Variants in TBCA observed in about 807,000 individuals in gnomAD.
TBCA encodes tubulin-specific chaperone A.
TBCA carries 6 observed loss-of-function variants against 15.8 expected under a neutral mutation model. That is an observed-to-expected ratio of 0.38 (90% CI 0.21 to 0.75). The LOEUF is 0.75. Among genes scored for constraint, TBCA ranks in the 30% least tolerant of loss-of-function variants. TBCA has a pLI of 0.46. For missense variants in TBCA, 90 were observed against 131.2 expected, an observed-to-expected ratio of 0.69 and a Z score of 1.53; for synonymous variants, 32 against 42.3, an observed-to-expected ratio of 0.76 and a Z score of 0.94.
chr5:77,774,498 G>C (rs1336184685), intron 1 of TBCA, among the ~76,000 whole-genome samples: 1 of 152,074 alleles, frequency 6.6e-6, no homozygotes, highest in East Asian at 1.9e-4. Context: ...TTTTAACCCA[G>C]ACACACTCCC....
At chr5:77,756,089 ATTTG>A (rs1287035706) in intron 1 of TBCA, among the ~76,000 whole-genome samples, 8 of 152,124 alleles carry the variant, frequency 5.3e-5, no homozygotes, top group African/African-American at 1.7e-4. Flanking sequence ...TTATTAGATG[ATTTG>A]TTTGTCACAT....
chr5:77,716,925 A>G (rs532589763), intron 1 of TBCA, among the ~76,000 whole-genome samples: 1 of 152,296 alleles, frequency 6.6e-6, no homozygotes, highest in East Asian at 1.9e-4. Context: ...GGCACGTGCA[A>G]ATGACCCAAC....
intron 1 of TBCA, among the ~76,000 whole-genome samples, chr5:77,770,146 C>T (rs1200879876): frequency 6.6e-6 from 1 of 152,060 alleles, no homozygotes; most frequent in Non-Finnish European, 1.5e-5. Context: ...AAAAAACAAA[C>T]TTTTTTATGA....
At chr5:77,739,090 A>ATATATG in intron 1 of TBCA, among the ~76,000 whole-genome samples, 1 of 152,356 alleles carries the variant, frequency 6.6e-6, no homozygotes, top group East Asian at 1.9e-4. Context: ...TTTCAGTTTT[A>ATATATG]TATATGTATA....
At chr5:77,761,467 T>C (rs1023173237) in intron 1 of TBCA, among the ~76,000 whole-genome samples, 2 of 152,020 alleles carry the variant, frequency 1.3e-5, no homozygotes, top group African/African-American at 4.8e-5. Context: ...CACCACTCCC[T>C]AATCTCAAGT....
chr5:77,722,673 C>T (rs1418074978), intron 1 of TBCA, among the ~76,000 whole-genome samples: 1 of 151,830 alleles, frequency 6.6e-6, no homozygotes, highest in Admixed American at 6.6e-5. Context: ...TTATTAAGAG[C>T]TAGTGAACCA....
intron 1 of TBCA, among the ~76,000 whole-genome samples, chr5:77,721,797 TA>T (rs1307425846): frequency 6.6e-6 from 1 of 152,006 alleles, no homozygotes; most frequent in Non-Finnish European, 1.5e-5. Context: ...GCCTGTAGTT[TA>T]AAAAAAGTCT....
intron 1 of TBCA, among the ~76,000 whole-genome samples, chr5:77,752,235 T>C (rs569760548): frequency 1.3e-4 from 20 of 152,232 alleles, no homozygotes; most frequent in African/African-American, 4.8e-4. Flanking sequence ...TTATACCATA[T>C]GGTTTAATAG....
rs35477479 is a variant in TBCA, at chr5:77,727,239, GAAAAAAAAA to G, written c.54-18901_54-18893del. Among the ~76,000 whole-genome samples, 781 of 81,020 alleles carry G rather than the reference GAAAAAAAAA, an allele frequency of 9.6e-3. 4 individuals are homozygous for G. Among genetic ancestry groups the G allele is most frequent in the African/African-American group, 0.035 (725 of 20,928 alleles). 53.2% of individuals were successfully genotyped at this position (81,020 alleles called of 152,430 possible). On this transcript the variant is annotated intron_variant, in intron 1 of 3. Coordinates refer to ENST00000380377, the MANE Select transcript of TBCA (RefSeq NM_004607.3). The stretch of plus-strand genomic sequence containing the variant: ...GAGACACAGTGAGACTCTGTCTCAG[GAAAAAAAAA>G]AAAAAAAAAAAAAGAATAGTGCTGG...
intron 1 of TBCA, among the ~76,000 whole-genome samples, chr5:77,723,180 G>A (rs1345376788): frequency 6.6e-6 from 1 of 151,410 alleles, no homozygotes; most frequent in Non-Finnish European, 1.5e-5. Flanking sequence ...TTTTCCTACT[G>A]GAAGTTTATT....
intron 1 of TBCA, among the ~76,000 whole-genome samples, chr5:77,775,794 A>G (rs1203926131): frequency 6.6e-6 from 1 of 152,180 alleles, no homozygotes; most frequent in East Asian, 1.9e-4. Flanking sequence ...CCTGCTTTCA[A>G]GCCCATTTGA....
At chr5:77,724,173 G>C (rs1746582124) in intron 1 of TBCA, among the ~76,000 whole-genome samples, 1 of 152,004 alleles carries the variant, frequency 6.6e-6, no homozygotes, top group African/African-American at 2.4e-5. Context: ...ATCATTACTA[G>C]AGTTAGTCAA....
intron 1 of TBCA, among the ~76,000 whole-genome samples, chr5:77,726,553 A>T (rs1305754668): frequency 1.3e-5 from 2 of 152,208 alleles, no homozygotes; most frequent in Non-Finnish European, 2.9e-5. Context: ...ATACTATTGG[A>T]TGTATTTATG....
chr5:77,692,790 T>C (rs1561260898), intron 3 of TBCA: 2 of 1,022,572 alleles, frequency 2.0e-6, no homozygotes, highest in East Asian at 9.4e-5. Context: ...AGCTCCAAGT[T>C]AGTATGAGGG....
chr5:77,762,577 C>T (rs1747667472), intron 1 of TBCA, among the ~76,000 whole-genome samples: 1 of 152,110 alleles, frequency 6.6e-6, no homozygotes, highest in Non-Finnish European at 1.5e-5. Flanking sequence ...CTATGCCAAA[C>T]TTAAGAATTC....
Position 77,735,201 on chromosome 5 carries a change from AAATACAAAGGATCAC to A in TBCA, c.54-26869_54-26855del, listed in dbSNP as rs1208599567. ...GATTTTGGTTATTAACATCCTGAAT[AAATACAAAGGATCAC>A]AACATAAAAAGAAAGTCTCTTAAAT... On this transcript the variant is annotated intron_variant, in intron 1 of 3. Transcript: ENST00000380377. 7.2e-5 allele frequency among the ~76,000 whole-genome samples: 11 copies of A among 152,382 alleles called. No individual in the cohort carries two copies. The East Asian group carries it at 1.2e-3, about 16-fold the overall frequency.
intron 3 of TBCA, chr5:77,692,016 G>C (rs975270159): frequency 2.2e-5 from 22 of 984,998 alleles, no homozygotes; most frequent in Non-Finnish European, 2.4e-5. Flanking sequence ...CTACACTAAA[G>C]GAAACAAAAT....
intron 2 of TBCA, among the ~76,000 whole-genome samples, chr5:77,704,697 C>T (rs1273737847): frequency 4.6e-5 from 7 of 151,860 alleles, no homozygotes; most frequent in African/African-American, 9.7e-5. Context: ...AGAATGGCCA[C>T]AATATAGCTA....
At chr5:77,748,859 GA>G (rs981676961) in intron 1 of TBCA, among the ~76,000 whole-genome samples, 139 of 152,216 alleles carry the variant, frequency 9.1e-4, no homozygotes, top group Middle Eastern at 3.4e-3. Context: ...ATAATCTGGA[GA>G]AAAAATATTA....
Sources: gnomAD v4.1 joint callset for allele counts (sites outside exome capture counted in the v4.1 genomes callset) on GRCh38, gnomAD v4.1.1 for gene constraint, MANE v1.5 for transcripts, NCBI Gene and HGNC (gene_info 2026-07-23, HGNC 2026-07-21) for gene names.